NOS1: variants seen among roughly 807,000 people sequenced by gnomAD.
NOS1 encodes NOS type I.
NOS1 carries 51 observed loss-of-function variants against 164.5 expected under a neutral mutation model. The ratio of observed to expected loss-of-function variants is 0.31; its 90% CI spans 0.25 to 0.39. NOS1 has a LOEUF of 0.39. Ranked by LOEUF, NOS1 falls within the 10% of genes least tolerant of loss-of-function variation. NOS1 has a pLI of 1.00. For synonymous variants in NOS1, 719 were observed against 745.8 expected, an observed-to-expected ratio of 0.96 and a Z score of 0.59; for missense variants, 1,362 against 1,885.6, an observed-to-expected ratio of 0.72 and a Z score of 5.14.
intron 22 of NOS1, among the ~76,000 whole-genome samples, chr12:117,231,051 G>A (rs1024951302): frequency 6.6e-6 from 1 of 152,154 alleles, no homozygotes; most frequent in African/African-American, 2.4e-5. Flanking sequence ...TCTAGGCCGG[G>A]TGCAGTGGCT....
At chr12:117,230,248 A>G (rs1382763423) in intron 22 of NOS1, among the ~76,000 whole-genome samples, 1 of 152,256 alleles carries the variant, frequency 6.6e-6, no homozygotes, top group Non-Finnish European at 1.5e-5. Context: ...GTGCAATCTA[A>G]TAAGGTACCA....
intron 20 of NOS1, among the ~76,000 whole-genome samples, chr12:117,242,122 A>C (rs747391347): frequency 2.6e-5 from 4 of 152,230 alleles, no homozygotes; most frequent in Non-Finnish European, 4.4e-5. Context: ...TTAGATAAAA[A>C]GATATTGGTT....
At position 117,331,417 on chromosome 12, in the gene NOS1, T is replaced by C. The variant is rs957951017; in HGVS notation, c.-348A>G. The C allele has an allele frequency of 1.8e-4, 50 of 272,770 alleles. No individual in the cohort carries two copies. The highest frequency in any genetic ancestry group is 4.9e-5 in the Non-Finnish European group (7 of 142,306). The allele number at this position is 272,770 out of a possible 1,614,324, so 16.9% of individuals were successfully genotyped here. On this transcript the variant is annotated 5_prime_UTR_variant, in exon 2 of 29. Coordinates refer to ENST00000317775, the MANE Select transcript of NOS1 (RefSeq NM_000620.5). ...GGCTGTGTCTAGAAGTGACGCATGA[T>C]AGATGTGAACTATTCTCTGGGTATC...
intron 13 of NOS1, among the ~76,000 whole-genome samples, chr12:117,261,812 T>A (rs781094429): frequency 6.6e-6 from 1 of 152,148 alleles, no homozygotes; most frequent in African/African-American, 2.4e-5. Flanking sequence ...AAAGAAGTTA[T>A]GAATTTTAAA....
intron 1 of NOS1, among the ~76,000 whole-genome samples, chr12:117,342,196 T>A (rs75246630): frequency 0.01 from 1,523 of 152,274 alleles, 27 homozygotes; most frequent in East Asian, 0.04. Flanking sequence ...TTCATTTGCC[T>A]ACTCATACAT....
At chr12:117,228,395 G>T (rs1358964687) in intron 22 of NOS1, among the ~76,000 whole-genome samples, 1 of 152,164 alleles carries the variant, frequency 6.6e-6, no homozygotes, top group Non-Finnish European at 1.5e-5. Flanking sequence ...ATGGAAGGGA[G>T]TCATGACTCA....
chr12:117,250,519 G>A (rs1475930879), intron 17 of NOS1, among the ~76,000 whole-genome samples: 1 of 151,830 alleles, frequency 6.6e-6, no homozygotes, highest in Non-Finnish European at 1.5e-5. Flanking sequence ...GTTAGAGATG[G>A]GGTTTCACCA....
chr12:117,238,276 G>A (rs1027435189), intron 20 of NOS1, among the ~76,000 whole-genome samples: 1 of 152,060 alleles, frequency 6.6e-6, no homozygotes, highest in African/African-American at 2.4e-5. Flanking sequence ...CATAGTAAAA[G>A]ATTAGGGTGG....
At chr12:117,269,460 A>AT (rs200222625) in intron 10 of NOS1, among the ~76,000 whole-genome samples, 51,948 of 109,116 alleles carry the variant, frequency 0.48, 12,931 homozygotes, top group South Asian at 0.59. Flanking sequence ...ATCTCTGGAG[A>AT]TTTGTTTTTT....
At chr12:117,340,871 C>CTTTTTTT (rs775978271) in intron 1 of NOS1, among the ~76,000 whole-genome samples, 1 of 96,440 alleles carries the variant, frequency 1.0e-5, no homozygotes, top group Admixed American at 1.1e-4. Context: ...TCACACCTGG[C>CTTTTTTT]TATTTTTTTT....
intron 26 of NOS1, among the ~76,000 whole-genome samples, chr12:117,222,264 A>G (rs1308411285): frequency 6.6e-6 from 1 of 152,020 alleles, no homozygotes; most frequent in Non-Finnish European, 1.5e-5. Context: ...TTCATCACAT[A>G]TATATTTTTG....
At chr12:117,261,652 T>G (rs1373400732) in intron 13 of NOS1, among the ~76,000 whole-genome samples, 1 of 152,136 alleles carries the variant, frequency 6.6e-6, no homozygotes, top group Non-Finnish European at 1.5e-5. Context: ...TAAATAAATA[T>G]CTATCAAAAG....
At chr12:117,275,691 G>A (rs1873126285) in intron 9 of NOS1, among the ~76,000 whole-genome samples, 1 of 152,016 alleles carries the variant, frequency 6.6e-6, no homozygotes, top group South Asian at 2.1e-4. Flanking sequence ...GACAATGGGT[G>A]TATTAATTAT....
In NOS1 at chr12:117,272,368, C is replaced by A; in HGVS notation, c.1839+17G>T. The A allele has an allele frequency of 6.2e-7, 1 of 1,613,954 alleles. No homozygotes were observed. Among genetic ancestry groups the A allele is most frequent in the African/African-American group, 1.3e-5 (1 of 75,010 alleles). ...GCTATGTGCTTTTCCCCTGTGGTGACCAGAGAGGGCCCTTACCTCCAGGAT... is the reference window on the plus strand; with the variant it reads ...GCTATGTGCTTTTCCCCTGTGGTGAACAGAGAGGGCCCTTACCTCCAGGAT... On this transcript the variant is annotated intron_variant, in intron 10 of 28. Coordinates refer to ENST00000317775, the MANE Select transcript of NOS1 (RefSeq NM_000620.5). The surrounding 1 kb of genome is among the most constrained non-coding windows in gnomAD (Gnocchi z 4.3).
chr12:117,255,287 C>T (rs1871352269), intron 16 of NOS1, among the ~76,000 whole-genome samples: 1 of 151,720 alleles, frequency 6.6e-6, no homozygotes, highest in Non-Finnish European at 1.5e-5. Flanking sequence ...CAGAAACAAA[C>T]AAAAAATCTG....
intron 28 of NOS1, among the ~76,000 whole-genome samples, chr12:117,217,416 C>T (rs1956628551): frequency 6.6e-6 from 1 of 152,094 alleles, no homozygotes; most frequent in South Asian, 2.1e-4. Flanking sequence ...AGAAATGTCA[C>T]AACTCCGGCC....
intron 1 of NOS1, among the ~76,000 whole-genome samples, chr12:117,342,607 G>T (rs200297807): frequency 3.3e-5 from 5 of 152,164 alleles, no homozygotes; most frequent in African/African-American, 9.7e-5. Flanking sequence ...GTCATCAGGG[G>T]CTGGATCATC....
intron 20 of NOS1, among the ~76,000 whole-genome samples, chr12:117,238,392 T>C (rs545585456): frequency 2.6e-5 from 4 of 152,294 alleles, no homozygotes; most frequent in Admixed American, 2.6e-4. Context: ...TTTTGCGTCC[T>C]ATGTAAATCA....
intron 2 of NOS1, among the ~76,000 whole-genome samples, chr12:117,317,654 G>A (rs1006470957): frequency 2.0e-5 from 3 of 152,088 alleles, no homozygotes; most frequent in African/African-American, 7.2e-5. Context: ...GGATCTGCAA[G>A]GACTTATTTA....
Sources: gnomAD v4.1 joint callset for allele counts (sites outside exome capture counted in the v4.1 genomes callset) on GRCh38, gnomAD v4.1.1 for gene constraint, Gnocchi (gnomAD v3.1) non-coding constraint, MANE v1.5 for transcripts, NCBI Gene and HGNC (gene_info 2026-07-23, HGNC 2026-07-21) for gene names.